EML5: variants seen among roughly 807,000 people sequenced by gnomAD.
EML5 encodes echinoderm microtubule-associated protein-like 5.
In EML5, 120 loss-of-function variants were observed where a neutral mutation model predicts 250.0. That is an observed-to-expected ratio of 0.48 (90% confidence interval 0.41 to 0.56). The LOEUF (loss-of-function observed/expected upper bound fraction) is 0.56. Among genes scored for constraint, EML5 ranks in the 20% least tolerant of loss-of-function variants. The pLI, the probability that EML5 is intolerant of heterozygous loss-of-function variation, is 0.00. For synonymous variants in EML5, 771 were observed against 806.5 expected (o/e 0.96, Z 0.75); for missense variants, 2,006 against 2,437.6 (o/e 0.82, Z 3.73).
chr14:88,653,047 TTC>T (rs1468747372), intron 27 of EML5, among the ~76,000 whole-genome samples: 1 of 152,210 alleles, frequency 6.6e-6, no homozygotes, highest in Non-Finnish European at 1.5e-5. Flanking sequence ...AGGTATTTTA[TTC>T]TCTGTGTAGC....
chr14:88,726,292 C>G (rs978420739), intron 8 of EML5, among the ~76,000 whole-genome samples: 3 of 152,206 alleles, frequency 2.0e-5, no homozygotes, highest in African/African-American at 4.8e-5. Context: ...AGCCATTAAT[C>G]TATTAAGCAT....
At position 88,616,843 on chromosome 14, in the gene EML5, T is replaced by C; in HGVS notation, c.5679A>G (p.Arg1893=). The C allele has an allele frequency of 6.2e-7, 1 of 1,613,904 alleles. No individual in the cohort carries two copies. The highest frequency in any genetic ancestry group is 8.5e-7 in the Non-Finnish European group (1 of 1,179,844). ...AGTTGACATCAGCTTTCTCAGCATGTCTGGACCAGATTCCCAAAACCTCAT... is the reference window on the plus strand; with the variant it reads ...AGTTGACATCAGCTTTCTCAGCATGCCTGGACCAGATTCCCAAAACCTCAT... ...LGDEVLGIWS[R]HAEKADVNCA... Residue 1893 remains arginine (R), a synonymous_variant, in exon 42 of 44, where the codon AGA becomes AGG. Coordinates refer to ENST00000554922, the MANE Select transcript of EML5 (RefSeq NM_183387.3).
At chr14:88,686,499 G>C (rs2092836401) in intron 19 of EML5, among the ~76,000 whole-genome samples, 1 of 151,800 alleles carries the variant, frequency 6.6e-6, no homozygotes, top group African/African-American at 2.4e-5. Flanking sequence ...GCCTGATGCT[G>C]CCCTTGCACC....
At chr14:88,707,399 AT>A (rs2093337023) in intron 10 of EML5, among the ~76,000 whole-genome samples, 1 of 151,906 alleles carries the variant, frequency 6.6e-6, no homozygotes, top group South Asian at 2.1e-4. Context: ...AAGTGTCAGG[AT>A]TACAGGCATG....
At chr14:88,784,717 A>G (rs1383351674) in intron 1 of EML5, among the ~76,000 whole-genome samples, 4 of 152,230 alleles carry the variant, frequency 2.6e-5, no homozygotes, top group Non-Finnish European at 1.5e-5. Flanking sequence ...AAAGACAGGC[A>G]GTAACAAATG....
intron 1 of EML5, among the ~76,000 whole-genome samples, chr14:88,767,416 G>C (rs1432613180): frequency 6.6e-6 from 1 of 152,118 alleles, no homozygotes; most frequent in Non-Finnish European, 1.5e-5. Flanking sequence ...ATAATTTCCA[G>C]CTCCCAGAGG....
intron 25 of EML5, among the ~76,000 whole-genome samples, chr14:88,660,264 C>G (rs1435726141): frequency 1.7e-4 from 24 of 140,334 alleles, no homozygotes; most frequent in African/African-American, 6.6e-4. Flanking sequence ...GCCTGGGTCA[C>G]AGAGAGAGAC....
intron 2 of EML5, among the ~76,000 whole-genome samples, chr14:88,752,432 C>T (rs1375683157): frequency 5.9e-5 from 9 of 151,988 alleles, no homozygotes; most frequent in Non-Finnish European, 1.3e-4. Context: ...GAAATTCTGA[C>T]AGAACATTAA....
chr14:88,727,452 A>G (rs1274737010), intron 7 of EML5, among the ~76,000 whole-genome samples: 2 of 138,866 alleles, frequency 1.4e-5, no homozygotes, highest in African/African-American at 2.8e-5. Context: ...TCCAGGCCGG[A>G]GTGCAATGGT....
chr14:88,788,262 A>C (rs1469166836), intron 1 of EML5, among the ~76,000 whole-genome samples: 4 of 152,228 alleles, frequency 2.6e-5, no homozygotes, highest in Admixed American at 2.0e-4. Flanking sequence ...TGAATAAATT[A>C]AGTTTCTATA....
chr14:88,726,312 CCCAAA>C, intron 8 of EML5, among the ~76,000 whole-genome samples: 1 of 152,012 alleles, frequency 6.6e-6, no homozygotes, highest in East Asian at 1.9e-4. Flanking sequence ...TTCTTAACCC[CCCAAA>C]CCAAGGCTTC....
At chr14:88,743,397 T>C (rs2093954477) in intron 4 of EML5, among the ~76,000 whole-genome samples, 1 of 151,534 alleles carries the variant, frequency 6.6e-6, no homozygotes, top group Non-Finnish European at 1.5e-5. Context: ...TCATTATTTG[T>C]CAAAAAAAAA....
intron 2 of EML5, among the ~76,000 whole-genome samples, chr14:88,749,769 C>CA (rs2094064160): frequency 6.6e-6 from 1 of 152,000 alleles, no homozygotes; most frequent in African/African-American, 2.4e-5. Flanking sequence ...TGTTCTCTGA[C>CA]AAAAACAGAA....
rs996265573 is a variant in EML5, at chr14:88,781,917, T to C, written c.197+10390A>G. 5.3e-5 allele frequency among the ~76,000 whole-genome samples: 8 copies of C among 152,132 alleles called. No individual in the cohort carries two copies. The East Asian group carries it at 7.7e-4, about 15-fold the overall frequency. On this transcript the variant is annotated intron_variant, in intron 1 of 43. Coordinates refer to ENST00000554922, the MANE Select transcript of EML5 (RefSeq NM_183387.3). ...TGTCAGAACGAACTAATTCAGTAAATTGGTAAAGATACCCAAAAATGTGGA... is the reference window on the plus strand; with the variant it reads ...TGTCAGAACGAACTAATTCAGTAAACTGGTAAAGATACCCAAAAATGTGGA...
At chr14:88,767,239 C>G (rs934519873) in intron 1 of EML5, among the ~76,000 whole-genome samples, 3 of 152,140 alleles carry the variant, frequency 2.0e-5, no homozygotes, top group Non-Finnish European at 4.4e-5. Flanking sequence ...GCAGTGCTAC[C>G]ACATGTACAC....
At chr14:88,701,217 C>A (rs1358948141) in intron 14 of EML5, among the ~76,000 whole-genome samples, 1 of 152,154 alleles carries the variant, frequency 6.6e-6, no homozygotes, top group Admixed American at 6.6e-5. Flanking sequence ...GTTGCCACAA[C>A]TCAGGGAAGT....
intron 1 of EML5, among the ~76,000 whole-genome samples, chr14:88,782,016 G>A (rs1353996885): frequency 6.6e-6 from 1 of 152,218 alleles, no homozygotes; most frequent in Non-Finnish European, 1.5e-5. Context: ...GGAAAATGTG[G>A]GAAAGTTTGG....
intron 21 of EML5, 71 bp from the exon 22 acceptor site, chr14:88,665,560 C>T (rs2092281834): frequency 6.3e-7 from 1 of 1,590,634 alleles, no homozygotes; most frequent in East Asian, 2.2e-5. Context: ...GGTGTGGTGG[C>T]TCATGCCTAT....
At chr14:88,649,041 C>T (rs987216927) in intron 28 of EML5, among the ~76,000 whole-genome samples, 5 of 151,748 alleles carry the variant, frequency 3.3e-5, no homozygotes, top group African/African-American at 9.7e-5. Context: ...CGCCACCCCC[C>T]ACCCCCGAAA....
Sources: gnomAD v4.1 joint callset for allele counts (sites outside exome capture counted in the v4.1 genomes callset) on GRCh38, gnomAD v4.1.1 for gene constraint, MANE v1.5 for transcripts, NCBI Gene and HGNC (gene_info 2026-07-23, HGNC 2026-07-21) for gene names.